ADCY8: variants seen among roughly 807,000 people sequenced by gnomAD.
ADCY8 encodes adenylate cyclase 8.
A neutral mutation model predicts 119.7 loss-of-function variants in ADCY8; 51 were observed. The ratio of observed to expected loss-of-function variants is 0.43; its 90% CI spans 0.34 to 0.54. The LOEUF (loss-of-function observed/expected upper bound fraction) is 0.54, where lower values mean the gene tolerates loss of function less well. ADCY8 is among the 20% of genes least tolerant of loss of function. ADCY8 has a pLI of 0.03. For missense variants in ADCY8, 1,383 were observed against 1,598.8 expected (o/e 0.87, Z 2.30); for synonymous variants, 665 against 651.0 (o/e 1.02, Z -0.33).
intron 1 of ADCY8, among the ~76,000 whole-genome samples, chr8:131,022,325 A>C (rs891861369): frequency 1.3e-4 from 20 of 151,844 alleles, no homozygotes; most frequent in Admixed American, 8.5e-4. Flanking sequence ...CCCTGTGTCC[A>C]TGTGTTCTCA....
intron 2 of ADCY8, among the ~76,000 whole-genome samples, chr8:130,958,441 C>T (rs1422010643): frequency 1.3e-5 from 2 of 152,134 alleles, no homozygotes; most frequent in Non-Finnish European, 2.9e-5. Flanking sequence ...TTCATGTGCT[C>T]TGCATTAGCC....
chr8:130,780,750 G>A lies in ADCY8; in HGVS notation c.3396C>T (p.Val1132=), dbSNP rs754550326. Residue 1132 remains valine (V), a synonymous_variant, in exon 18 of 18, where the codon GTC becomes GTT. Transcript: ENST00000286355. ...DSTGVSGRIQ[V]PEETYLILKD... ...TCAGGATGAGATAGGTCTCCTCTGG[G>A]ACTTGGATCCGGCCACTAACCCCCG... 1.2e-6 allele frequency: 2 copies of A among 1,614,198 alleles called. No individual in the cohort carries two copies. The highest frequency in any genetic ancestry group is 1.7e-6 in the Non-Finnish European group (2 of 1,180,016).
intron 5 of ADCY8, among the ~76,000 whole-genome samples, chr8:130,925,643 C>T (rs1820443623): frequency 6.6e-6 from 1 of 152,180 alleles, no homozygotes; most frequent in Non-Finnish European, 1.5e-5. Context: ...AGCTTTGTCA[C>T]AATCACATCC....
chr8:130,920,059 C>T (rs1281091170), intron 5 of ADCY8, among the ~76,000 whole-genome samples: 2 of 151,212 alleles, frequency 1.3e-5, no homozygotes, highest in African/African-American at 4.9e-5. Context: ...GGGAAGATCC[C>T]CTGAGCCCAG....
In ADCY8 at chr8:131,039,663, A is replaced by G. The variant is rs1402238883; in HGVS notation, c.671T>C (p.Val224Ala). 1 of 1,614,080 alleles carries G rather than the reference A, an allele frequency of 6.2e-7. No homozygotes were observed. Among genetic ancestry groups the G allele is most frequent in the Admixed American group, 1.7e-5 (1 of 60,030 alleles). The change falls in exon 1 of 18, where the codon GTA becomes GCA. Residue 224 changes from valine to alanine, a missense_variant. Coordinates refer to ENST00000286355, the MANE Select transcript of ADCY8 (RefSeq NM_001115.3). Reference protein sequence around the residue: ...ILLGFFTGIEVVICALVVVRK... With the variant: ...ILLGFFTGIEAVICALVVVRK... Reference sequence around the variant, plus strand: ...GACCACCACCAGGGCGCAGATCACTACCTCAATGCCGGTGAAGAAGCCCAG... The same window carrying G: ...GACCACCACCAGGGCGCAGATCACTGCCTCAATGCCGGTGAAGAAGCCCAG...
chr8:130,879,359 G>A (rs925566474), intron 8 of ADCY8, among the ~76,000 whole-genome samples: 9 of 152,152 alleles, frequency 5.9e-5, no homozygotes, highest in African/African-American at 2.2e-4. Flanking sequence ...TACCATCAAG[G>A]TATAAGAAAT....
rs545028650 is a variant in ADCY8 at position 130,904,002 on chromosome 8, C to A, written c.1681G>T (p.Gly561Cys). ...TGGCCCTCTTCCACGTTATAGTCACCGTTGAGACAGTCCAGCGTGGCTTTG... is the reference window on the plus strand; with the variant it reads ...TGGCCCTCTTCCACGTTATAGTCACAGTTGAGACAGTCCAGCGTGGCTTTG... ...ISKATLDCLNGDYNVEEGHGK... is the reference protein window; with the variant it reads ...ISKATLDCLNCDYNVEEGHGK... Residue 561 changes from glycine (G) to cysteine (C), a missense_variant, in exon 7 of 18, where the codon GGT (glycine) becomes TGT (cysteine). Physicochemically the swap from Gly to Cys is radical, Grantham distance 159. Transcript: ENST00000286355. 23 of 1,613,912 alleles carry A rather than the reference C, an allele frequency of 1.4e-5. No individual in the cohort carries two copies. The highest frequency in any genetic ancestry group is 1.8e-5 in the Non-Finnish European group (21 of 1,179,966).
At chr8:130,954,563 G>A (rs1821367381) in intron 2 of ADCY8, among the ~76,000 whole-genome samples, 1 of 152,136 alleles carries the variant, frequency 6.6e-6, no homozygotes, top group African/African-American at 2.4e-5. Context: ...AGGTTTTTGG[G>A]ATACTCAGGT....
At chr8:130,933,847 C>G (rs1417244825) in intron 5 of ADCY8, among the ~76,000 whole-genome samples, 1 of 152,202 alleles carries the variant, frequency 6.6e-6, no homozygotes, top group Non-Finnish European at 1.5e-5. Context: ...GGCTAAGATA[C>G]AAATCCTTAT....
intron 12 of ADCY8, among the ~76,000 whole-genome samples, chr8:130,824,471 G>T (rs1318321017): frequency 1.3e-5 from 2 of 152,248 alleles, no homozygotes; most frequent in Admixed American, 6.5e-5. Flanking sequence ...GCCCTCCTCT[G>T]TGTACCTACT....
In ADCY8 at chr8:130,849,672, G is replaced by T; in HGVS notation, c.2342C>A (p.Thr781Asn). Residue 781 changes from threonine to asparagine, a missense_variant, in exon 10 of 18, where the codon ACC becomes AAC. Coordinates refer to ENST00000286355, the MANE Select transcript of ADCY8 (RefSeq NM_001115.3). ...LRKTCCWINETYLARNVIIFA... is the reference protein window; with the variant it reads ...LRKTCCWINENYLARNVIIFA... ...GATGATGACGTTCCGGGCCAAATAG[G>T]TCTCATTAATCCAACAGCAAGTTTT... 6.2e-7 allele frequency: 1 copy of T among 1,614,066 alleles called. No individual in the cohort carries two copies. The highest frequency in any genetic ancestry group is 1.7e-5 in the Admixed American group (1 of 60,026).
At chr8:130,914,524 A>G (rs1245332326) in intron 5 of ADCY8, among the ~76,000 whole-genome samples, 1 of 152,180 alleles carries the variant, frequency 6.6e-6, no homozygotes, top group Non-Finnish European at 1.5e-5. Flanking sequence ...ACTTAAAGAT[A>G]AGAATGAAAC....
rs1563758967 is a variant in ADCY8, at chr8:130,992,382, C to CACAT, written c.961-1841_961-1840insATGT. On this transcript the variant is annotated intron_variant, in intron 1 of 17. Transcript: ENST00000286355. ...TACATACATGAGCAACTGTATCTGG[C>CACAT]ATATATATATATATATATATATATA... Among the ~76,000 whole-genome samples, 51 of 78,082 alleles carry CACAT rather than the reference C, an allele frequency of 6.5e-4. 1 individual carries two copies. Among genetic ancestry groups the CACAT allele is most frequent in the African/African-American group, 2.6e-3 (48 of 18,756 alleles). The allele number at this position is 78,082 out of a possible 152,430, so 51.2% of individuals were successfully genotyped here. A position where few individuals can be genotyped will look rare whatever the true frequency, so the allele number is the denominator to read the frequency against.
At chr8:130,847,393 C>T (rs1457744863) in intron 11 of ADCY8, 31 bp downstream of exon 11, 3 of 1,528,112 alleles carry the variant, frequency 2.0e-6, no homozygotes, top group South Asian at 2.3e-5. Context: ...CTATGTCCAA[C>T]TCTCACCAAG....
chr8:130,919,445 G>A (rs1026663691), intron 5 of ADCY8, among the ~76,000 whole-genome samples: 1 of 152,194 alleles, frequency 6.6e-6, no homozygotes, highest in Non-Finnish European at 1.5e-5. Context: ...TGATCTCTGA[G>A]TGCCAATGTG....
chr8:130,818,848 G>A (rs1816423889), intron 13 of ADCY8, among the ~76,000 whole-genome samples: 1 of 152,218 alleles, frequency 6.6e-6, no homozygotes, highest in African/African-American at 2.4e-5. Flanking sequence ...AGGAGCTTGA[G>A]CATTTGGATT....
intron 7 of ADCY8, among the ~76,000 whole-genome samples, chr8:130,897,822 C>A (rs1359593165): frequency 6.7e-6 from 1 of 148,918 alleles, no homozygotes; most frequent in Admixed American, 6.7e-5. Context: ...ATACATATAT[C>A]ACACCACATA....
intron 2 of ADCY8, among the ~76,000 whole-genome samples, chr8:130,964,236 G>A (rs1021835586): frequency 6.6e-6 from 1 of 152,138 alleles, no homozygotes; most frequent in Non-Finnish European, 1.5e-5. Flanking sequence ...TGATTTACTG[G>A]ACTAACCCAC....
At chr8:130,953,087 G>C (rs924427242) in intron 2 of ADCY8, among the ~76,000 whole-genome samples, 3 of 152,174 alleles carry the variant, frequency 2.0e-5, no homozygotes, top group Non-Finnish European at 4.4e-5. Flanking sequence ...TGGAAACTAG[G>C]CAAGAGGCTG....
Sources: allele counts gnomAD v4.1 joint callset (sites outside exome capture counted in the v4.1 genomes callset), GRCh38; gene constraint gnomAD v4.1.1; transcripts MANE v1.5; gene names NCBI Gene and HGNC (gene_info 2026-07-23, HGNC 2026-07-21).